Variants in AGAP1 observed in about 807,000 individuals in gnomAD.
AGAP1 encodes arf-GAP with GTPase, ANK repeat and PH domain-containing protein 1.
In AGAP1, 29 loss-of-function variants were observed where a neutral mutation model predicts 105.3. The ratio of observed to expected loss-of-function variants is 0.28; its 90% confidence interval spans 0.21 to 0.38. The LOEUF is 0.38. Among genes scored for constraint, AGAP1 ranks in the 10% least tolerant of loss-of-function variants. The probability of loss-of-function intolerance (pLI) is 1.00; values close to 1 mark genes in which losing one functional copy is unlikely to be tolerated. For synonymous variants in AGAP1, 509 were observed against 485.9 expected (o/e 1.05, Z -0.63); for missense variants, 998 against 1,165.1 (o/e 0.86, Z 2.09).
chr2:235,797,156 C>G (rs1436351389), intron 6 of AGAP1, among the ~76,000 whole-genome samples: 1 of 151,944 alleles, frequency 6.6e-6, no homozygotes, highest in African/African-American at 2.4e-5. Flanking sequence ...TTTTGTCTTT[C>G]CAAGGGGTTT....
At chr2:235,649,488 C>T (rs1250331434) in intron 1 of AGAP1, among the ~76,000 whole-genome samples, 2 of 152,294 alleles carry the variant, frequency 1.3e-5, no homozygotes, top group East Asian at 3.9e-4. Context: ...ATCCTCCCAC[C>T]CCAGCCTTCC....
At position 235,614,533 on chromosome 2, in the gene AGAP1, G is replaced by A. The variant is rs1463062503; in HGVS notation, c.164-94646G>A. Among the ~76,000 whole-genome samples the A allele has an allele frequency of 2.6e-5, 4 of 152,194 alleles. No homozygotes were observed. The highest frequency in any genetic ancestry group is 2.1e-4 in the South Asian group (1 of 4,828). ...GGGTGGGGGCTTTGCTCTTTAGCCC[G>A]TGAGCAGTGGAAAGTCATTGAATGC... On this transcript the variant is annotated intron_variant, in intron 1 of 17. Transcript: ENST00000304032. This position sits in a 1 kb window ranked among gnomAD's most constrained non-coding sequence, Gnocchi z 4.7.
In AGAP1 at chr2:235,953,797, C is replaced by T. The variant is rs963123557; in HGVS notation, c.1484-14665C>T. Among the ~76,000 whole-genome samples, 1 of 152,104 alleles carries T rather than the reference C, an allele frequency of 6.6e-6. No individual in the cohort carries two copies. Among genetic ancestry groups the T allele is most frequent in the African/African-American group, 2.4e-5 (1 of 41,392 alleles). The stretch of plus-strand genomic sequence containing the variant: ...AATTATCAGGGCATGGTGGGTCATA[C>T]CTGTGGTCCACGCTCCTTGGGAGGC... On this transcript the variant is annotated intron_variant, in intron 12 of 17. Transcript: ENST00000304032. The surrounding 1 kb of genome is among the most constrained non-coding windows in gnomAD (Gnocchi z 5.2).
intron 13 of AGAP1, among the ~76,000 whole-genome samples, chr2:236,022,328 CCT>C (rs2056912686): frequency 6.6e-6 from 1 of 152,216 alleles, no homozygotes; most frequent in African/African-American, 2.4e-5. Flanking sequence ...CAGGACAACA[CCT>C]CTGTTGGACT....
chr2:235,517,194 C>G lies in AGAP1; in HGVS notation c.163+22345C>G, dbSNP rs3738997. Among the ~76,000 whole-genome samples, 27,735 of 152,160 alleles carry G rather than the reference C, an allele frequency of 0.18. 2,809 individuals carry two copies. Among genetic ancestry groups the G allele is most frequent in the East Asian group, 0.32 (1,648 of 5,164 alleles). ...GTGTGGTCTTCAGTGTTTTTCCGTT[C>G]TCAGGAGGACACCAGTCTTGTTGGA... On this transcript the variant is annotated intron_variant, in intron 1 of 17. Coordinates refer to ENST00000304032, the MANE Select transcript of AGAP1 (RefSeq NM_001037131.3). This position sits in a 1 kb window ranked among gnomAD's most constrained non-coding sequence, Gnocchi z 4.1.
intron 6 of AGAP1, among the ~76,000 whole-genome samples, chr2:235,767,496 A>T (rs777729116): frequency 1.3e-5 from 2 of 152,090 alleles, no homozygotes; most frequent in Non-Finnish European, 2.9e-5. Flanking sequence ...CCTTACCTTT[A>T]TGCAGTCGTG....
Position 235,624,079 on chromosome 2 carries a change from C to T in AGAP1, c.164-85100C>T, listed in dbSNP as rs1049411395. Among the ~76,000 whole-genome samples, 9 of 152,306 alleles carry T rather than the reference C, an allele frequency of 5.9e-5. No homozygotes were observed. In the East Asian group the frequency reaches 1.3e-3, roughly 23 times the overall value. ...GGCCAAATATCAGCTCTGCAGCCAC[C>T]GTTGCAAGTGAGACTTTGTGAAAGG... On this transcript the variant is annotated intron_variant, in intron 1 of 17. Coordinates refer to ENST00000304032, the MANE Select transcript of AGAP1 (RefSeq NM_001037131.3).
At chr2:235,630,866 C>CTG (rs1349568205) in intron 1 of AGAP1, among the ~76,000 whole-genome samples, 7 of 152,320 alleles carry the variant, frequency 4.6e-5, no homozygotes. Flanking sequence ...GAACTGAGGT[C>CTG]TGTGTGCTGG....
intron 6 of AGAP1, among the ~76,000 whole-genome samples, chr2:235,796,401 G>A (rs1365399511): frequency 6.6e-6 from 1 of 152,086 alleles, no homozygotes; most frequent in Non-Finnish European, 1.5e-5. Flanking sequence ...AGAGTGCTGC[G>A]ATATTCCTCT....
Position 235,994,325 on chromosome 2 carries a change from G to GAACAT in AGAP1, c.1645+25702_1645+25703insAACAT, listed in dbSNP as rs2055695846. Among the ~76,000 whole-genome samples the GAACAT allele has an allele frequency of 6.6e-6, 1 of 152,054 alleles. No homozygotes were observed. The highest frequency in any genetic ancestry group is 1.5e-5 in the Non-Finnish European group (1 of 68,014). ...CTCCTGAAAGCTGGTTCCATTTAGG[G>GAACAT]GTGTTCCCTGTCATTTTCGTGCTGT... On this transcript the variant is annotated intron_variant, in intron 13 of 17. Coordinates refer to ENST00000304032, the MANE Select transcript of AGAP1 (RefSeq NM_001037131.3). The surrounding 1 kb of genome is among the most constrained non-coding windows in gnomAD (Gnocchi z 4.4).
chr2:235,974,723 C>G (rs978983899), intron 13 of AGAP1, among the ~76,000 whole-genome samples: 1 of 152,190 alleles, frequency 6.6e-6, no homozygotes, highest in Non-Finnish European at 1.5e-5. Context: ...TTCATTAACT[C>G]CAGAGTTGCA....
chr2:236,054,659 C>T (rs142531831), intron 16 of AGAP1, among the ~76,000 whole-genome samples: 31 of 152,262 alleles, frequency 2.0e-4, no homozygotes, highest in Middle Eastern at 6.8e-3. Context: ...AACAAGCTAC[C>T]GGCAGTGTCC....
intron 1 of AGAP1, among the ~76,000 whole-genome samples, chr2:235,543,389 G>T (rs1207390842): frequency 6.6e-6 from 1 of 152,188 alleles, no homozygotes; most frequent in Admixed American, 6.5e-5. Flanking sequence ...TTGAATCAGA[G>T]CCTGGAATTC....
intron 16 of AGAP1, among the ~76,000 whole-genome samples, chr2:236,107,458 TA>T (rs536652154): frequency 1.3e-3 from 203 of 152,272 alleles, no homozygotes; most frequent in Middle Eastern, 3.4e-3. Context: ...ACAGTCTCCA[TA>T]GGTTGCCTCA....
At chr2:235,852,750 C>A in intron 9 of AGAP1, 1 of 1,539,866 alleles carries the variant, frequency 6.5e-7, no homozygotes, top group South Asian at 1.2e-5. Context: ...GGAGCCCGTG[C>A]CCGTCAGTCC....
chr2:235,670,419 G>T lies in AGAP1; in HGVS notation c.164-38760G>T, dbSNP rs1948329930. 8 of 559,864 alleles carry T rather than the reference G, an allele frequency of 1.4e-5. No homozygotes were observed. The East Asian group carries it at 3.0e-4, about 21-fold the overall frequency. 34.7% of individuals were successfully genotyped at this position (559,864 alleles called of 1,614,324 possible). On this transcript the variant is annotated intron_variant, in intron 1 of 17. Coordinates refer to ENST00000304032, the MANE Select transcript of AGAP1 (RefSeq NM_001037131.3). ...AGCACCGGGCAGCTGGAACTGGGGC[G>T]GCTCCGGCCGTGCGCACGCGGCCTG... is the stretch of plus-strand genomic sequence containing the variant.
intron 1 of AGAP1, chr2:235,670,235 T>C (rs1156499807): frequency 5.3e-6 from 3 of 567,012 alleles, no homozygotes; most frequent in East Asian, 7.5e-5. Context: ...CGCGCCGGGC[T>C]CCGGCGGCCC....
At chr2:235,668,589 ACT>A (rs1355928693) in intron 1 of AGAP1, among the ~76,000 whole-genome samples, 1 of 152,046 alleles carries the variant, frequency 6.6e-6, no homozygotes. Flanking sequence ...CATCAAGGAA[ACT>A]CTGAAACAAT....
rs907962336 is a variant in AGAP1, at chr2:235,963,022, A to G, written c.1484-5440A>G. On this transcript the variant is annotated intron_variant, in intron 12 of 17. Transcript: ENST00000304032. The surrounding 1 kb of genome is among the most constrained non-coding windows in gnomAD (Gnocchi z 5.1). ...GCTAGAAGTGCTCGTGTGGAAGGAC[A>G]CAAAAGGAAAACGTGGATGTGGAGG... 6.6e-6 allele frequency among the ~76,000 whole-genome samples: 1 copy of G among 152,168 alleles called. No homozygotes were observed. The highest frequency in any genetic ancestry group is 1.5e-5 in the Non-Finnish European group (1 of 68,038).
Sources: gnomAD v4.1 joint callset for allele counts (sites outside exome capture counted in the v4.1 genomes callset) on GRCh38, gnomAD v4.1.1 for gene constraint, Gnocchi (gnomAD v3.1) non-coding constraint, MANE v1.5 for transcripts, NCBI Gene and HGNC (gene_info 2026-07-23, HGNC 2026-07-21) for gene names.